The following EIF2AK4 variants were observed in gnomAD, a reference collection of about 807,000 sequenced individuals.
The protein encoded by EIF2AK4 is eIF-2-alpha kinase GCN2.
A neutral mutation model predicts 211.1 loss-of-function variants in EIF2AK4; 139 were observed. The observed-to-expected ratio is 0.66, with a 90% CI of 0.57 to 0.76. The LOEUF is 0.76. EIF2AK4 is among the 30% of genes least tolerant of loss of function. EIF2AK4 has a pLI of 0.00. For synonymous variants in EIF2AK4, 710 were observed against 751.3 expected (o/e 0.94, Z 0.90); for missense variants, 1,664 against 2,043.8 (o/e 0.81, Z 3.58).
intron 25 of EIF2AK4, 143 bp downstream of exon 25, chr15:40,008,338 T>G: frequency 1.3e-6 from 1 of 798,188 alleles, no homozygotes; most frequent in Admixed American, 2.9e-5. Context: ...GAGAAGAGCT[T>G]GCTGGTGTTG....
Position 39,934,217 on chromosome 15 carries a change from C to A in EIF2AK4, c.22C>A (p.Pro8Thr). Residue 8 changes from proline to threonine, a missense_variant, in exon 1 of 39, where the codon CCC becomes ACC. Physicochemically the swap from Pro to Thr is conservative, Grantham distance 38. Coordinates refer to ENST00000263791, the MANE Select transcript of EIF2AK4 (RefSeq NM_001013703.4). ...TGCCATGGCTGGGGGCCGTGGGGCC[C>A]CCGGGCGCGGCCGGGACGAGCCTCC... MAGGRGA[P>T]GRGRDEPPES... 6.3e-7 allele frequency: 1 copy of A among 1,587,030 alleles called. No individual in the cohort carries two copies. The highest frequency in any genetic ancestry group is 8.6e-7 in the Non-Finnish European group (1 of 1,167,984).
chr15:39,955,081 T>C (rs978120949), intron 5 of EIF2AK4, among the ~76,000 whole-genome samples: 1 of 152,238 alleles, frequency 6.6e-6, no homozygotes, highest in Admixed American at 6.5e-5. Flanking sequence ...TTTCCACCAG[T>C]GCTCCTGTCT....
At position 39,953,956 on chromosome 15, in the gene EIF2AK4, A is replaced by G. The variant is rs1207982996; in HGVS notation, c.566A>G (p.Glu189Gly). Reference sequence around the variant, plus strand: ...AGAAGGAAAGAAGAGATAAAAGAAGAGAAAAAAAGGAAAGAAATGGCTAAG... The same window carrying G: ...AGAAGGAAAGAAGAGATAAAAGAAGGGAAAAAAAGGAAAGAAATGGCTAAG... ...IQRRKEEIKE[E>G]KKRKEMAKQE... Residue 189 changes from glutamate to glycine, a missense_variant, in exon 5 of 39, where the codon GAG becomes GGG. By Grantham distance (98) the Glu-to-Gly change is moderately conservative. This residue lies in a region of EIF2AK4 where 641 missense variants were observed against 729.6 expected (regional missense o/e 0.88). Coordinates refer to ENST00000263791, the MANE Select transcript of EIF2AK4 (RefSeq NM_001013703.4). 1 of 1,606,672 alleles carries G rather than the reference A, an allele frequency of 6.2e-7. No homozygotes were observed. The highest frequency in any genetic ancestry group is 1.3e-5 in the African/African-American group (1 of 74,990).
At chr15:39,988,258 G>C (rs1035535388) in intron 15 of EIF2AK4, among the ~76,000 whole-genome samples, 153 bp downstream of exon 15, 14 of 152,198 alleles carry the variant, frequency 9.2e-5, no homozygotes, top group Admixed American at 8.5e-4. Flanking sequence ...ATAGAACAAA[G>C]TGTCAAAGAC....
chr15:39,941,897 A>T (rs971640543), intron 2 of EIF2AK4, among the ~76,000 whole-genome samples: 2 of 152,220 alleles, frequency 1.3e-5, no homozygotes, highest in Non-Finnish European at 2.9e-5. Context: ...ATTCAGGTAA[A>T]TCTTAATGTG....
chr15:39,990,357 A>G lies in EIF2AK4; in HGVS notation c.2611A>G (p.Thr871Ala). ...GAAAATAGGTGATTTTGGTTTGGCG[A>G]CAGACCATCTAGCCTTTTCTGTAAG... is the stretch of plus-strand genomic sequence containing the variant. Reference protein sequence around the residue: ...HVKIGDFGLATDHLAFSADSK... With the variant: ...HVKIGDFGLAADHLAFSADSK... The change falls in exon 16 of 39, where the codon ACA becomes GCA. Residue 871 changes from threonine (T) to alanine (A), a missense_variant. By Grantham distance (58) the Thr-to-Ala change is moderately conservative. Transcript: ENST00000263791. The G allele has an allele frequency of 1.2e-6, 2 of 1,614,178 alleles. No individual in the cohort carries two copies. The highest frequency in any genetic ancestry group is 1.7e-6 in the Non-Finnish European group (2 of 1,180,000).
intron 6 of EIF2AK4, among the ~76,000 whole-genome samples, chr15:39,958,063 A>G (rs1389971140): frequency 6.6e-6 from 1 of 152,208 alleles, no homozygotes; most frequent in Non-Finnish European, 1.5e-5. Flanking sequence ...TTCACTTTTT[A>G]GAATATTAAG....
At chr15:39,981,414 G>A (rs995254477) in intron 13 of EIF2AK4, among the ~76,000 whole-genome samples, 1 of 152,132 alleles carries the variant, frequency 6.6e-6, no homozygotes, top group Non-Finnish European at 1.5e-5. Context: ...CAAAGTTAAT[G>A]TTTGGTGTTA....
intron 3 of EIF2AK4, among the ~76,000 whole-genome samples, chr15:39,947,358 A>G (rs1055139782): frequency 6.6e-6 from 1 of 152,252 alleles, no homozygotes; most frequent in Non-Finnish European, 1.5e-5. Context: ...TTGAATGGAA[A>G]TAAGTACTCA....
Position 39,962,684 on chromosome 15 carries a change from A to G in EIF2AK4, c.859+785A>G, listed in dbSNP as rs1274460590. Among the ~76,000 whole-genome samples the G allele has an allele frequency of 2.6e-5, 4 of 152,198 alleles. 1 individual carries two copies. Among genetic ancestry groups the G allele is most frequent in the African/African-American group, 7.2e-5 (3 of 41,452 alleles). ...TTGGCATTTTCCTGCTTGACATATT[A>G]TACCTGACCAAGAAGACCACCTTAT... On this transcript the variant is annotated intron_variant, in intron 7 of 38. Transcript: ENST00000263791.
chr15:40,012,784 T>G (rs2035251815), intron 27 of EIF2AK4, among the ~76,000 whole-genome samples: 1 of 152,264 alleles, frequency 6.6e-6, no homozygotes, highest in African/African-American at 2.4e-5. Flanking sequence ...TCGATGATGC[T>G]AAGTGTTAAT....
chr15:39,961,431 A>G (rs1443040986), intron 6 of EIF2AK4, among the ~76,000 whole-genome samples: 1 of 152,250 alleles, frequency 6.6e-6, no homozygotes, highest in Admixed American at 6.5e-5. Context: ...GCCACTAGCC[A>G]TGTATGGCTA....
Position 39,999,351 on chromosome 15 carries a change from A to G in EIF2AK4, c.2922+567A>G, listed in dbSNP as rs978510318. Among the ~76,000 whole-genome samples, 5 of 152,102 alleles carry G rather than the reference A, an allele frequency of 3.3e-5. 1 individual carries two copies. Among genetic ancestry groups the G allele is most frequent in the African/African-American group, 1.2e-4 (5 of 41,420 alleles). On this transcript the variant is annotated intron_variant, in intron 20 of 38. Transcript: ENST00000263791. ...AAAAATATTATTGGTGAATGTGTGT[A>G]TTGGGCTTCTGGTATGCCTTTCTTC...
At chr15:39,956,156 C>G (rs563204978) in intron 6 of EIF2AK4, among the ~76,000 whole-genome samples, 2 of 152,078 alleles carry the variant, frequency 1.3e-5, no homozygotes, top group East Asian at 3.9e-4. Flanking sequence ...CAGGCATGTG[C>G]CACCACACCT....
In EIF2AK4 at chr15:40,017,551, A is replaced by ATATATACATG. The variant is rs71132134; in HGVS notation, c.4065+312_4065+313insATACATGTAT. ...TATATATATATATATATATATATAT[A>ATATATACATG]TATGTATTTTGGAGACAGGGCCTTG... On this transcript the variant is annotated intron_variant, in intron 29 of 38. Transcript: ENST00000263791. Among the ~76,000 whole-genome samples, 27 of 87,080 alleles carry ATATATACATG rather than the reference A, an allele frequency of 3.1e-4. 1 individual carries two copies. The highest frequency in any genetic ancestry group is 1.2e-3 in the African/African-American group (26 of 22,376). The allele number at this position is 87,080 out of a possible 152,430, so 57.1% of individuals were successfully genotyped here.
In EIF2AK4 at chr15:40,029,403, T is replaced by C. The variant is rs776888649; in HGVS notation, c.4503-3T>C. 1.2e-6 allele frequency: 2 copies of C among 1,612,654 alleles called. No homozygotes were observed. Among genetic ancestry groups the C allele is most frequent in the African/African-American group, 2.7e-5 (2 of 74,910 alleles). On this transcript the variant is annotated splice_polypyrimidine_tract_variant and splice_region_variant and intron_variant, in intron 33 of 38. Transcript: ENST00000263791. Reference sequence around the variant, plus strand: ...TTAATTGTTTTTGTTTGCTTGTTTTTAGAGAAGCTTCCGATAATCTTGCAG... The same window carrying C: ...TTAATTGTTTTTGTTTGCTTGTTTTCAGAGAAGCTTCCGATAATCTTGCAG...
At chr15:39,964,064 C>T (rs1311190068) in intron 7 of EIF2AK4, among the ~76,000 whole-genome samples, 2 of 152,130 alleles carry the variant, frequency 1.3e-5, no homozygotes, top group Non-Finnish European at 2.9e-5. Flanking sequence ...GGATTTTTTC[C>T]CCTTAGGCAA....
chr15:40,017,331 A>C (rs905298356), intron 29 of EIF2AK4, 89 bp downstream of exon 29: 49 of 1,464,266 alleles, frequency 3.3e-5, no homozygotes, highest in Non-Finnish European at 4.3e-5. Context: ...AACACCAAAA[A>C]TTTGAACCAG....
intron 23 of EIF2AK4, among the ~76,000 whole-genome samples, chr15:40,005,037 TG>T (rs535476615): frequency 7.7e-4 from 118 of 152,334 alleles, no homozygotes; most frequent in African/African-American, 2.7e-3. Flanking sequence ...TGCTAAACAC[TG>T]CATTGAATCC....
Sources: gnomAD v4.1 joint callset for allele counts (sites outside exome capture counted in the v4.1 genomes callset) on GRCh38, gnomAD v4.1.1 for gene constraint, gnomAD v4.1.1 regional missense constraint, MANE v1.5 for transcripts, NCBI Gene and HGNC (gene_info 2026-07-23, HGNC 2026-07-21) for gene names.